ATXN2: variants seen among roughly 807,000 people sequenced by gnomAD.
ATXN2 encodes the protein ataxin 2, also known as ataxin-2.
ATXN2 carries 37 observed loss-of-function variants against 138.6 expected under a neutral mutation model. The observed-to-expected ratio is 0.27, with a 90% CI of 0.21 to 0.35. The LOEUF (loss-of-function observed/expected upper bound fraction) is 0.35. ATXN2 is among the 10% of genes least tolerant of loss of function. The pLI is 1.00. For synonymous variants in ATXN2, 549 were observed against 543.7 expected (o/e 1.01, Z -0.13); for missense variants, 1,216 against 1,480.3 (o/e 0.82, Z 2.93).
intron 20 of ATXN2, among the ~76,000 whole-genome samples, chr12:111,465,491 G>A (rs1434173951): frequency 3.3e-5 from 5 of 151,976 alleles, no homozygotes; most frequent in African/African-American, 1.2e-4. Context: ...TAGATGTGAG[G>A]CTGGGCGTGG....
intron 15 of ATXN2, among the ~76,000 whole-genome samples, chr12:111,487,884 A>AG: frequency 6.6e-6 from 1 of 152,330 alleles, no homozygotes; most frequent in Non-Finnish European, 1.5e-5. Context: ...TTTATCAATA[A>AG]GCTGCATTCC....
chr12:111,454,441 G>C (rs369149108), intron 23 of ATXN2: 6 of 154,346 alleles, frequency 3.9e-5, no homozygotes, highest in African/African-American at 1.4e-4. Context: ...TATGCTGATG[G>C]AGCAGGAGGA....
chr12:111,582,306 A>G (rs1185443382), intron 1 of ATXN2, among the ~76,000 whole-genome samples: 2 of 150,866 alleles, frequency 1.3e-5, no homozygotes, highest in African/African-American at 4.9e-5. Flanking sequence ...TTAACCAGGC[A>G]TGATGGCACA....
At chr12:111,479,033 AAAATAAATTTTTTAAAAAAATG>A (rs1877025607) in intron 18 of ATXN2, 1 of 358,706 alleles carries the variant, frequency 2.8e-6, no homozygotes, top group Non-Finnish European at 4.9e-6. Context: ...AATAAAAAAT[AAAATAAATTTTTTAAAAAAATG>A]AAATATGCAC....
intron 1 of ATXN2, among the ~76,000 whole-genome samples, chr12:111,562,707 C>T (rs113637882): frequency 9.2e-6 from 1 of 109,218 alleles, no homozygotes; most frequent in African/African-American, 3.9e-5. Flanking sequence ...GCAATAAGAG[C>T]GAAACTCCAT....
At chr12:111,488,417 CT>C in intron 15 of ATXN2, 58 bp downstream of exon 15, 13 of 1,521,438 alleles carry the variant, frequency 8.5e-6, no homozygotes, top group South Asian at 2.6e-5. Context: ...ACCTAAATGC[CT>C]TTAAAAAAAA....
At chr12:111,498,065 T>C (rs1262296317) in intron 14 of ATXN2, among the ~76,000 whole-genome samples, 2 of 151,700 alleles carry the variant, frequency 1.3e-5, no homozygotes, top group African/African-American at 4.8e-5. Flanking sequence ...AGAAGGAATA[T>C]ACCTCAACAA....
intron 11 of ATXN2, chr12:111,511,067 A>T (rs946042227): frequency 2.6e-5 from 4 of 152,766 alleles, no homozygotes; most frequent in Non-Finnish European, 4.4e-5. Context: ...TCCACTGTGC[A>T]GTAATTAAGG....
At chr12:111,469,494 AT>A (rs1200099744) in intron 20 of ATXN2, 1 of 152,192 alleles carries the variant, frequency 6.6e-6, no homozygotes, top group Non-Finnish European at 1.5e-5. Context: ...TTTGCTTATT[AT>A]TCTCACATAT....
chr12:111,553,572 CAAAAAAAAAAAAA>C (rs757837884), intron 3 of ATXN2, among the ~76,000 whole-genome samples: 142 of 48,930 alleles, frequency 2.9e-3, no homozygotes, highest in Non-Finnish European at 3.8e-3. Flanking sequence ...TCTTTTTTCT[CAAAAAAAAAAAAA>C]AAAAAAAAAA....
At chr12:111,527,492 T>C (rs1054947190) in intron 5 of ATXN2, among the ~76,000 whole-genome samples, 1 of 152,248 alleles carries the variant, frequency 6.6e-6, no homozygotes, top group African/African-American at 2.4e-5. Context: ...AGCATGGAAC[T>C]TCAAGCCTAG....
In ATXN2 at chr12:111,570,241, A is replaced by C. The variant is rs537713421; in HGVS notation, c.252-14322T>G. Among the ~76,000 whole-genome samples the C allele has an allele frequency of 3.3e-5, 5 of 152,136 alleles. No homozygotes were observed. The South Asian group carries it at 1.0e-3, about 32-fold the overall frequency. On this transcript the variant is annotated intron_variant, in intron 1 of 24. Transcript: ENST00000673436. Reference sequence around the variant, plus strand: ...CCCAACGATCTACCCGTTGCTCATAAACTTATCCCTTTCTGGAGGCCACAA... The same window carrying C: ...CCCAACGATCTACCCGTTGCTCATACACTTATCCCTTTCTGGAGGCCACAA...
rs116476716 is a variant in ATXN2 at position 111,558,174 on chromosome 12, G to A, written c.252-2255C>T. ...CTAATTTCCACTGATCTATGACACGGTTGGACACCCAACAGGAATGTTAGC... is the reference window on the plus strand; with the variant it reads ...CTAATTTCCACTGATCTATGACACGATTGGACACCCAACAGGAATGTTAGC... On this transcript the variant is annotated intron_variant, in intron 1 of 24. Coordinates refer to ENST00000673436, the MANE Select transcript of ATXN2 (RefSeq NM_001372574.1). 4.1e-3 allele frequency among the ~76,000 whole-genome samples: 619 copies of A among 152,298 alleles called. 6 individuals are homozygous for A. The highest frequency in any genetic ancestry group is 0.014 in the African/African-American group (600 of 41,556).
In ATXN2 at chr12:111,599,048, T is replaced by C. The variant is rs1305864881; in HGVS notation, c.-14A>G. ...CTTCAGCGACATGGTGAGGGGCCCA[T>C]ACACCGGCTCGCACGCCGGGCGGGG... is the stretch of plus-strand genomic sequence containing the variant. On this transcript the variant is annotated 5_prime_UTR_variant, in exon 1 of 25. The change abolishes an upstream ATG in the 5' untranslated region. Coordinates refer to ENST00000673436, the MANE Select transcript of ATXN2 (RefSeq NM_001372574.1). 2.7e-6 allele frequency: 4 copies of C among 1,458,832 alleles called. No individual in the cohort carries two copies. The highest frequency in any genetic ancestry group is 4.7e-5 in the Admixed American group (2 of 42,522). 90.4% of individuals were successfully genotyped at this position (1,458,832 alleles called of 1,614,324 possible). A position where few individuals can be genotyped will look rare whatever the true frequency, so the allele number is the denominator to read the frequency against.
At chr12:111,525,095 C>G in intron 6 of ATXN2, 97 bp downstream of exon 6, 1 of 1,451,270 alleles carries the variant, frequency 6.9e-7, no homozygotes, top group African/African-American at 1.4e-5. Flanking sequence ...ACACTCACTA[C>G]AATAACAACA....
intron 1 of ATXN2, among the ~76,000 whole-genome samples, chr12:111,591,571 A>C (rs1029419573): frequency 6.6e-6 from 1 of 152,120 alleles, no homozygotes; most frequent in African/African-American, 2.4e-5. Context: ...AGGCTAAGAC[A>C]GGAGAAATGC....
chr12:111,571,178 T>C (rs1007865540), intron 1 of ATXN2, among the ~76,000 whole-genome samples: 1 of 152,232 alleles, frequency 6.6e-6, no homozygotes, highest in African/African-American at 2.4e-5. Context: ...GTAAAGTCCC[T>C]GCTCCTGTGT....
At chr12:111,519,478 G>A (rs1445918827) in intron 8 of ATXN2, among the ~76,000 whole-genome samples, 2 of 152,148 alleles carry the variant, frequency 1.3e-5, no homozygotes, top group Admixed American at 6.5e-5. Flanking sequence ...ATCACAAAAT[G>A]TCACCTCCTC....
In ATXN2 at chr12:111,486,288, C is replaced by T. The variant is rs114232348; in HGVS notation, c.2305-423G>A. Among the ~76,000 whole-genome samples the T allele has an allele frequency of 2.7e-3, 406 of 152,304 alleles. 6 individuals are homozygous for T. Among genetic ancestry groups the T allele is most frequent in the African/African-American group, 9.5e-3 (396 of 41,566 alleles). ...AAATCATGTAGTATTCGCATACAAC[C>T]TATGCATATCCTCCTATATACTTTA... On this transcript the variant is annotated intron_variant, in intron 16 of 24. Transcript: ENST00000673436.
Sources: allele counts gnomAD v4.1 joint callset (sites outside exome capture counted in the v4.1 genomes callset), GRCh38; gene constraint gnomAD v4.1.1; transcripts MANE v1.5; gene names NCBI Gene and HGNC (gene_info 2026-07-23, HGNC 2026-07-21).